TMEM117: variants seen among roughly 807,000 people sequenced by gnomAD.
The protein encoded by TMEM117 is transmembrane protein 117.
Under a neutral mutation model 52.4 loss-of-function variants are expected in TMEM117, and 27 were observed. The observed-to-expected ratio is 0.51, with a 90% CI of 0.38 to 0.71. The LOEUF (loss-of-function observed/expected upper bound fraction) is 0.71. TMEM117 is among the 30% of genes least tolerant of loss of function. TMEM117 has a pLI of 0.00. For synonymous variants in TMEM117, 215 were observed against 206.3 expected (o/e 1.04, Z -0.36); for missense variants, 556 against 630.5 (o/e 0.88, Z 1.26).
At chr12:43,808,812 GAAAAAAAAAAA>G in the TMEM117 span, among the ~76,000 whole-genome samples, 6 of 80,780 alleles carry the variant, frequency 7.4e-5, no homozygotes, top group South Asian at 9.8e-4. Flanking sequence ...TCAAAGGGGA[GAAAAAAAAAAA>G]AAAAAAAAAA....
At chr12:43,905,685 A>C (rs1396329428) in intron 2 of TMEM117, among the ~76,000 whole-genome samples, 1 of 152,186 alleles carries the variant, frequency 6.6e-6, no homozygotes, top group East Asian at 1.9e-4. Context: ...TTAACTTAGG[A>C]AAATGATTTA....
chr12:44,047,809 A>G (rs1032788871), intron 3 of TMEM117, among the ~76,000 whole-genome samples: 2 of 152,110 alleles, frequency 1.3e-5, no homozygotes, highest in African/African-American at 4.8e-5. Context: ...TTTTGCATTT[A>G]TGTTCATAAG....
intron 6 of TMEM117, among the ~76,000 whole-genome samples, chr12:44,321,418 G>A (rs1393281431): frequency 7.9e-5 from 12 of 152,256 alleles, no homozygotes; most frequent in African/African-American, 2.2e-4. Flanking sequence ...TTGTTCTTCC[G>A]TGTATTATGA....
Position 43,844,796 on chromosome 12 carries a change from A to C in TMEM117, c.145A>C (p.Asn49His). ...QTEANVIVVG[N>H]CFSFVTNKYP... Reference sequence around the variant, plus strand: ...AGAAGCCAATGTTATTGTTGTTGGAAACTGTTTTTCATTTGTTACAAATAA... The same window carrying C: ...AGAAGCCAATGTTATTGTTGTTGGACACTGTTTTTCATTTGTTACAAATAA... Residue 49 changes from asparagine to histidine, a missense_variant, in exon 2 of 8, where the codon AAC becomes CAC. Around this residue, in one of 3 missense-constraint regions of TMEM117, gnomAD observed 328 missense variants for 371.4 expected, o/e 0.88. Transcript: ENST00000266534. 1 of 1,614,154 alleles carries C rather than the reference A, an allele frequency of 6.2e-7. No individual in the cohort carries two copies. Among genetic ancestry groups the C allele is most frequent in the Non-Finnish European group, 8.5e-7 (1 of 1,180,022 alleles).
the TMEM117 span, among the ~76,000 whole-genome samples, chr12:43,819,522 C>T: frequency 6.6e-6 from 1 of 152,158 alleles, no homozygotes; most frequent in African/African-American, 2.4e-5. Flanking sequence ...CACCTGTAAT[C>T]CCAGCGCTTT....
intron 2 of TMEM117, among the ~76,000 whole-genome samples, chr12:43,866,762 TAGAA>T (rs781648987): frequency 1.3e-5 from 2 of 152,190 alleles, no homozygotes; most frequent in Admixed American, 6.5e-5. Context: ...AGGGCTCAAT[TAGAA>T]AGACTGTTTT....
At chr12:44,111,681 C>G (rs1045701864) in intron 3 of TMEM117, among the ~76,000 whole-genome samples, 27 of 139,002 alleles carry the variant, frequency 1.9e-4, no homozygotes, top group African/African-American at 5.5e-4. Flanking sequence ...AATGTATATT[C>G]TGTTGATTTG....
intron 3 of TMEM117, among the ~76,000 whole-genome samples, chr12:44,080,186 C>T (rs896434932): frequency 1.3e-5 from 2 of 151,802 alleles, no homozygotes; most frequent in Non-Finnish European, 2.9e-5. Flanking sequence ...AAAGACATAC[C>T]CAAGACTGGG....
intron 3 of TMEM117, among the ~76,000 whole-genome samples, chr12:44,118,367 T>A (rs1948180071): frequency 6.6e-6 from 1 of 152,120 alleles, no homozygotes; most frequent in Non-Finnish European, 1.5e-5. Flanking sequence ...GAGGTAGAAA[T>A]CCATTTCAGC....
intron 5 of TMEM117, among the ~76,000 whole-genome samples, chr12:44,295,279 C>T (rs1461553657): frequency 6.6e-6 from 1 of 152,180 alleles, no homozygotes; most frequent in Non-Finnish European, 1.5e-5. Flanking sequence ...TCTTGGCTCA[C>T]TGCAACCTTT....
In TMEM117 at chr12:44,278,580, C is replaced by T. The variant is rs73274173; in HGVS notation, c.609-21000C>T. ...CTCAATGTGAGCTCTCTCTTCCCTC[C>T]GTGACAGAATCCATCCTGAAAAGCA... On this transcript the variant is annotated intron_variant, in intron 5 of 7. Coordinates refer to ENST00000266534, the MANE Select transcript of TMEM117 (RefSeq NM_032256.3). 4.0e-3 allele frequency among the ~76,000 whole-genome samples: 608 copies of T among 152,244 alleles called. 7 individuals carry two copies. The highest frequency in any genetic ancestry group is 0.014 in the African/African-American group (576 of 41,542).
At position 44,256,010 on chromosome 12, in the gene TMEM117, G is replaced by C. The variant is rs189683246; in HGVS notation, c.609-43570G>C. Among the ~76,000 whole-genome samples the C allele has an allele frequency of 7.2e-5, 11 of 151,850 alleles. No individual in the cohort carries two copies. The East Asian group carries it at 1.9e-3, about 27-fold the overall frequency. On this transcript the variant is annotated intron_variant, in intron 5 of 7. Coordinates refer to ENST00000266534, the MANE Select transcript of TMEM117 (RefSeq NM_032256.3). ...AGACCATTCCTCATATCCTCAAGCA[G>C]ATTTTATATTAAATTATTTATATAA...
At chr12:44,330,854 ACCT>A (rs1951260468) in intron 6 of TMEM117, among the ~76,000 whole-genome samples, 1 of 151,836 alleles carries the variant, frequency 6.6e-6, no homozygotes, top group Admixed American at 6.6e-5. Flanking sequence ...ATGGAAGGAA[ACCT>A]CCTTCTGGAT....
downstream of TMEM117, among the ~76,000 whole-genome samples, chr12:44,394,569 A>C (rs531930458): frequency 3.9e-5 from 6 of 152,280 alleles, no homozygotes; most frequent in East Asian, 7.7e-4. Flanking sequence ...AATGGTCATA[A>C]TCCCTTGGAG....
chr12:43,974,219 G>A (rs187605918), intron 3 of TMEM117, among the ~76,000 whole-genome samples: 81 of 152,216 alleles, frequency 5.3e-4, no homozygotes, highest in Non-Finnish European at 1.0e-3. Flanking sequence ...GTAGTGGCAC[G>A]TTATTGTTTT....
At chr12:44,312,149 A>G (rs1017781413) in intron 6 of TMEM117, among the ~76,000 whole-genome samples, 2 of 151,920 alleles carry the variant, frequency 1.3e-5, no homozygotes, top group Non-Finnish European at 2.9e-5. Flanking sequence ...GAATGATCCT[A>G]TGAATGATCA....
intron 3 of TMEM117, among the ~76,000 whole-genome samples, chr12:44,042,229 C>A (rs1460433644): frequency 6.6e-6 from 1 of 150,710 alleles, no homozygotes; most frequent in African/African-American, 2.4e-5. Context: ...TGCCTTTTAT[C>A]CTATTCATTT....
chr12:44,094,056 C>A (rs767232804), intron 3 of TMEM117, among the ~76,000 whole-genome samples: 5 of 151,884 alleles, frequency 3.3e-5, no homozygotes, highest in Non-Finnish European at 7.4e-5. Context: ...TAGCTGTGTC[C>A]CTTATGATGT....
chr12:43,947,397 T>C (rs556922447), intron 3 of TMEM117, among the ~76,000 whole-genome samples: 27 of 152,218 alleles, frequency 1.8e-4, no homozygotes, highest in Non-Finnish European at 3.4e-4. Context: ...AATTAACTTT[T>C]ATGACACATC....
Sources: gnomAD v4.1 joint callset for allele counts (sites outside exome capture counted in the v4.1 genomes callset) on GRCh38, gnomAD v4.1.1 for gene constraint, gnomAD v4.1.1 regional missense constraint, MANE v1.5 for transcripts, NCBI Gene and HGNC (gene_info 2026-07-23, HGNC 2026-07-21) for gene names.